Variants in HTR1E observed in about 807,000 individuals in gnomAD.
HTR1E encodes 5-hydroxytryptamine receptor 1E, also known as 5-HT-1E.
A neutral mutation model predicts 3.4 loss-of-function variants in HTR1E; 3 were observed. The observed-to-expected ratio is 0.89, with a 90% confidence interval of 0.41 to 2.31. The LOEUF (loss-of-function observed/expected upper bound fraction) is 2.31. Ranked by LOEUF, HTR1E falls within the 30% of genes most tolerant of loss-of-function variation. HTR1E has a pLI of 0.05. For missense variants in HTR1E, 392 were observed against 467.0 expected, an observed-to-expected ratio of 0.84 and a Z score of 1.48; for synonymous variants, 170 against 182.8, an observed-to-expected ratio of 0.93 and a Z score of 0.56.
At chr6:86,981,128 G>C (rs1767706001) in intron 1 of HTR1E, among the ~76,000 whole-genome samples, 2 of 152,190 alleles carry the variant, frequency 1.3e-5, no homozygotes, top group African/African-American at 4.8e-5. Context: ...GTAATGGGTT[G>C]AGGCAACAGA....
intron 1 of HTR1E, among the ~76,000 whole-genome samples, chr6:87,010,146 G>C (rs1252593919): frequency 1.8e-5 from 2 of 112,452 alleles, no homozygotes; most frequent in Non-Finnish European, 3.6e-5. Context: ...GGGCAGAGGC[G>C]CCCCTCACCT....
chr6:87,015,774 G>A lies in HTR1E; in HGVS notation c.440G>A (p.Trp147Ter). The A allele has an allele frequency of 6.2e-7, 1 of 1,610,656 alleles. No individual in the cohort carries two copies. The highest frequency in any genetic ancestry group is 2.2e-5 in the East Asian group (1 of 44,834). Residue 147 changes from tryptophan (W) to a stop codon, truncating the protein, a stop_gained, in exon 2 of 2, where the codon TGG (tryptophan) becomes TAG (stop). Transcript: ENST00000305344. LOFTEE classifies it low-confidence loss of function (END_TRUNC). ...GCCGCGCTGATGATCCTTACCGTCT[G>A]GACCATCTCCATTTTCATCTCCATG... ...KRAALMILTV[W>*]TISIFISMPP...
chr6:87,009,059 T>TA (rs1467426852), intron 1 of HTR1E, among the ~76,000 whole-genome samples: 3 of 152,026 alleles, frequency 2.0e-5, no homozygotes, highest in Admixed American at 6.5e-5. Context: ...CTTTTTATTT[T>TA]TTTTTTTTAA....
At chr6:86,965,916 G>A (rs886214281) in intron 1 of HTR1E, among the ~76,000 whole-genome samples, 1 of 152,070 alleles carries the variant, frequency 6.6e-6, no homozygotes, top group African/African-American at 2.4e-5. Flanking sequence ...TACTTCTCAG[G>A]TGATGGATGC....
At chr6:86,949,658 A>G (rs1767196334) in intron 1 of HTR1E, among the ~76,000 whole-genome samples, 1 of 152,162 alleles carries the variant, frequency 6.6e-6, no homozygotes, top group Admixed American at 6.5e-5. Context: ...ATGCTACTGT[A>G]GGATTATAGG....
rs1305194645 is a variant in HTR1E, at chr6:87,000,219, A to G, written c.-185-14931A>G. On this transcript the variant is annotated intron_variant, in intron 1 of 1. Transcript: ENST00000305344. ...TTTTTTCCTGACTCCTTAAAATTCC[A>G]CATCTCCAACCAACTTGAGTTTGCC... The G allele has an allele frequency of 3.3e-5, 5 of 152,698 alleles. No individual in the cohort carries two copies. In the East Asian group the frequency reaches 9.6e-4, roughly 29 times the overall value. The allele number at this position is 152,698 out of a possible 1,614,324, so 9.5% of individuals were successfully genotyped here.
chr6:86,962,997 T>A (rs1160178148), intron 1 of HTR1E, among the ~76,000 whole-genome samples: 2 of 152,202 alleles, frequency 1.3e-5, no homozygotes. Flanking sequence ...AAATGTTAAC[T>A]GACAAACAGC....
chr6:86,996,892 G>A (rs1159022814), intron 1 of HTR1E, among the ~76,000 whole-genome samples: 6 of 151,728 alleles, frequency 4.0e-5, no homozygotes, highest in Non-Finnish European at 7.4e-5. Context: ...TTATGAAGCC[G>A]GTATACCAAG....
At chr6:86,967,568 A>C (rs1767488512) in intron 1 of HTR1E, among the ~76,000 whole-genome samples, 1 of 152,148 alleles carries the variant, frequency 6.6e-6, no homozygotes, top group South Asian at 2.1e-4. Context: ...ACTGTACCAA[A>C]CTTTGGGAGG....
intron 1 of HTR1E, among the ~76,000 whole-genome samples, chr6:87,004,768 A>G (rs1019633789): frequency 6.6e-6 from 1 of 152,128 alleles, no homozygotes; most frequent in Non-Finnish European, 1.5e-5. Context: ...GAAAGAAAGA[A>G]AGGGCACTCA....
chr6:86,950,959 A>G (rs1450602318), intron 1 of HTR1E, among the ~76,000 whole-genome samples: 1 of 152,158 alleles, frequency 6.6e-6, no homozygotes, highest in African/African-American at 2.4e-5. Context: ...TCTAATAATA[A>G]AGCAAGGTTT....
chr6:86,938,770 G>A (rs1050990871), intron 1 of HTR1E, among the ~76,000 whole-genome samples: 1 of 152,174 alleles, frequency 6.6e-6, no homozygotes, highest in Non-Finnish European at 1.5e-5. Flanking sequence ...TGGGTTGGGG[G>A]AGCAGTGTTT....
chr6:86,970,570 G>A (rs1025111387), intron 1 of HTR1E: 3 of 167,756 alleles, frequency 1.8e-5, no homozygotes, highest in South Asian at 1.5e-4. Flanking sequence ...CCCAAAAGGT[G>A]CTTGTAAAGG....
At chr6:86,938,447 C>T (rs941195016) in intron 1 of HTR1E, among the ~76,000 whole-genome samples, 1 of 152,128 alleles carries the variant, frequency 6.6e-6, no homozygotes, top group African/African-American at 2.4e-5. Context: ...CCACCCAATA[C>T]TGCAAGGTGA....
chr6:86,950,839 T>C (rs1052365251), intron 1 of HTR1E, among the ~76,000 whole-genome samples: 1 of 152,156 alleles, frequency 6.6e-6, no homozygotes, highest in African/African-American at 2.4e-5. Context: ...CCCATACACA[T>C]TGGGGTAAAC....
chr6:86,974,130 A>C (rs1271378897), intron 1 of HTR1E, among the ~76,000 whole-genome samples: 2 of 152,028 alleles, frequency 1.3e-5, no homozygotes, highest in African/African-American at 4.8e-5. Flanking sequence ...ATGTATGTAT[A>C]TATTTTTTTA....
At chr6:86,963,106 G>C (rs1311833839) in intron 1 of HTR1E, among the ~76,000 whole-genome samples, 1 of 152,142 alleles carries the variant, frequency 6.6e-6, no homozygotes, top group African/African-American at 2.4e-5. Context: ...CTTCCTGTGG[G>C]ACAAGATGTG....
intron 1 of HTR1E, among the ~76,000 whole-genome samples, chr6:87,002,286 CAGG>C (rs1322875368): frequency 1.3e-5 from 2 of 152,196 alleles, no homozygotes; most frequent in East Asian, 3.9e-4. Context: ...TTGCTGACTT[CAGG>C]AGCGAAGCCA....
chr6:86,946,768 A>C (rs1033430718), intron 1 of HTR1E, among the ~76,000 whole-genome samples: 2 of 152,224 alleles, frequency 1.3e-5, no homozygotes, highest in Non-Finnish European at 2.9e-5. Flanking sequence ...CACATTAGAT[A>C]TGCTGCCCTG....
Sources: gnomAD v4.1 joint callset for allele counts (sites outside exome capture counted in the v4.1 genomes callset) on GRCh38, gnomAD v4.1.1 for gene constraint, MANE v1.5 for transcripts, NCBI Gene and HGNC (gene_info 2026-07-23, HGNC 2026-07-21) for gene names.